The following SRPK1 variants were observed in gnomAD, a reference collection of about 807,000 sequenced individuals.
The protein encoded by SRPK1 is SRSF protein kinase 1.
Under a neutral mutation model 89.5 loss-of-function variants are expected in SRPK1, and 52 were observed. That is an observed-to-expected ratio of 0.58 (90% CI 0.46 to 0.73). SRPK1 has a LOEUF of 0.73. Ranked by LOEUF, SRPK1 falls within the 30% of genes least tolerant of loss-of-function variation. The probability of loss-of-function intolerance (pLI) is 0.00; values close to 1 mark genes in which losing one functional copy is unlikely to be tolerated. For synonymous variants in SRPK1, 255 were observed against 270.2 expected, an observed-to-expected ratio of 0.94 and a Z score of 0.55; for missense variants, 603 against 780.6, an observed-to-expected ratio of 0.77 and a Z score of 2.71.
At chr6:35,905,910 A>G (rs190719874) in intron 2 of SRPK1, among the ~76,000 whole-genome samples, 61 of 152,342 alleles carry the variant, frequency 4.0e-4, no homozygotes, top group African/African-American at 1.3e-3. Context: ...TTATTTCCTA[A>G]GCTCTAGTCA....
At chr6:35,902,225 G>T (rs192076065) in intron 2 of SRPK1, among the ~76,000 whole-genome samples, 1 of 120,918 alleles carries the variant, frequency 8.3e-6, no homozygotes, top group Admixed American at 1.0e-4. Flanking sequence ...GCGAGACTCC[G>T]TCTCTACAAA....
intron 1 of SRPK1, 109 bp from the exon 2 acceptor site, chr6:35,920,637 G>T: frequency 3.2e-6 from 3 of 941,900 alleles, no homozygotes; most frequent in Non-Finnish European, 4.3e-6. Context: ...GCCTGCCTCG[G>T]GGGCGGCTGC....
At chr6:35,918,309 T>C (rs560330959) in intron 2 of SRPK1, among the ~76,000 whole-genome samples, 1 of 152,292 alleles carries the variant, frequency 6.6e-6, no homozygotes, top group East Asian at 1.9e-4. Context: ...GAGACCAGCC[T>C]GGGCAACATG....
At chr6:35,912,871 C>T (rs1020636121) in intron 2 of SRPK1, among the ~76,000 whole-genome samples, 1 of 152,220 alleles carries the variant, frequency 6.6e-6, no homozygotes, top group African/African-American at 2.4e-5. Context: ...GTAGCCTCTA[C>T]CTCCTGGGCT....
chr6:35,873,096 A>G (rs540777512), intron 7 of SRPK1, among the ~76,000 whole-genome samples: 32 of 152,302 alleles, frequency 2.1e-4, no homozygotes, highest in Middle Eastern at 3.4e-3. Flanking sequence ...CTCACTGAGG[A>G]AGAATTGAGG....
At chr6:35,896,021 T>G (rs1561991254) in intron 2 of SRPK1, among the ~76,000 whole-genome samples, 1 of 152,222 alleles carries the variant, frequency 6.6e-6, no homozygotes, top group Non-Finnish European at 1.5e-5. Flanking sequence ...GTAATATCCT[T>G]TATTTAGAAA....
rs780705696 is a variant in SRPK1, at chr6:35,838,448, T to G, written c.1691-19A>C. 2.6e-5 allele frequency: 41 copies of G among 1,556,684 alleles called. No individual in the cohort carries two copies. Among genetic ancestry groups the G allele is most frequent in the Non-Finnish European group, 3.4e-5 (39 of 1,157,516 alleles). ...ATGTGATCTGTATATTTCAAACATT[T>G]CAAGAGGGGGGAAAAAAAAGATCCG... is the stretch of plus-strand genomic sequence containing the variant. On this transcript the variant is annotated intron_variant, in intron 14 of 15. Transcript: ENST00000373825.
At chr6:35,877,801 C>A (rs972611857) in intron 6 of SRPK1, among the ~76,000 whole-genome samples, 6 of 151,034 alleles carry the variant, frequency 4.0e-5, no homozygotes, top group Non-Finnish European at 8.8e-5. Context: ...AACCACTGCA[C>A]CACTGCACTC....
chr6:35,837,706 C>T (rs559117321), intron 15 of SRPK1, among the ~76,000 whole-genome samples: 4 of 152,184 alleles, frequency 2.6e-5, no homozygotes, highest in East Asian at 1.9e-4. Flanking sequence ...CAGGTGTGTA[C>T]CACCATGCCC....
intron 2 of SRPK1, among the ~76,000 whole-genome samples, chr6:35,901,896 T>C (rs978362191): frequency 3.3e-5 from 5 of 152,140 alleles, no homozygotes; most frequent in Non-Finnish European, 5.9e-5. Flanking sequence ...AACTCAGAAA[T>C]CTTAAGCTGG....
chr6:35,878,957 G>A (rs749504331), intron 6 of SRPK1, among the ~76,000 whole-genome samples: 35 of 152,044 alleles, frequency 2.3e-4, no homozygotes, highest in Non-Finnish European at 4.1e-4. Flanking sequence ...CAGGTGTGGT[G>A]GCATGCACCT....
At chr6:35,877,582 G>A (rs1582012320) in intron 6 of SRPK1, among the ~76,000 whole-genome samples, 1 of 151,990 alleles carries the variant, frequency 6.6e-6, no homozygotes, top group East Asian at 1.9e-4. Flanking sequence ...GTGGCTCATG[G>A]CTGTAATCCC....
intron 3 of SRPK1, among the ~76,000 whole-genome samples, chr6:35,890,217 C>A (rs889281851): frequency 6.6e-6 from 1 of 152,110 alleles, no homozygotes; most frequent in South Asian, 2.1e-4. Flanking sequence ...GAGCTGAGAT[C>A]GTGCCACAGC....
At chr6:35,920,001 G>A (rs1012454162) in intron 2 of SRPK1, 1 of 449,398 alleles carries the variant, frequency 2.2e-6, no homozygotes, top group African/African-American at 2.0e-5. Context: ...GAAAGGGAGT[G>A]TGTGGTTGGT....
At chr6:35,835,532 C>T in intron 15 of SRPK1, 44 bp from the exon 16 acceptor site, 2 of 1,542,694 alleles carry the variant, frequency 1.3e-6, no homozygotes, top group Non-Finnish European at 1.8e-6. Context: ...TCAACACAGA[C>T]AAATGACAAG....
intron 13 of SRPK1, among the ~76,000 whole-genome samples, chr6:35,843,462 T>C (rs1769361156): frequency 1.3e-5 from 2 of 152,114 alleles, no homozygotes; most frequent in East Asian, 3.9e-4. Flanking sequence ...CTAGGTCCTT[T>C]GTTTTTGAGA....
chr6:35,838,662 C>T (rs765347156), intron 14 of SRPK1: 2 of 1,520,496 alleles, frequency 1.3e-6, no homozygotes, highest in Non-Finnish European at 1.8e-6. Context: ...GGTGTGAATG[C>T]TCTGCTTCCT....
At position 35,871,875 on chromosome 6, in the gene SRPK1, G is replaced by A. The variant is rs146733820; in HGVS notation, c.751+688C>T. Among the ~76,000 whole-genome samples the A allele has an allele frequency of 3.8e-3, 579 of 152,184 alleles. 3 individuals are homozygous for A. Among genetic ancestry groups the A allele is most frequent in the African/African-American group, 0.013 (544 of 41,528 alleles). On this transcript the variant is annotated intron_variant, in intron 8 of 15. Coordinates refer to ENST00000373825, the MANE Select transcript of SRPK1 (RefSeq NM_003137.5). The stretch of plus-strand genomic sequence containing the variant: ...TCCTGCCCCAGCCTCCTGAGTAAAT[G>A]GACTACAGGCACGCATCACTATGCC...
At chr6:35,920,414 G>C (rs1475692347) in intron 2 of SRPK1, 54 bp downstream of exon 2, 2 of 1,596,440 alleles carry the variant, frequency 1.3e-6, no homozygotes, top group East Asian at 2.2e-5. Context: ...AACCAGAGCA[G>C]AGAAGGTGCC....
Sources: allele counts gnomAD v4.1 joint callset (sites outside exome capture counted in the v4.1 genomes callset), GRCh38; gene constraint gnomAD v4.1.1; transcripts MANE v1.5; gene names NCBI Gene and HGNC (gene_info 2026-07-23, HGNC 2026-07-21).